The following CAMKMT variants were observed in gnomAD, a reference collection of about 807,000 sequenced individuals.
CAMKMT encodes the protein CaM KMT.
In CAMKMT, 53 loss-of-function variants were observed where a neutral mutation model predicts 48.0. That is an observed-to-expected ratio of 1.10 (90% CI 0.89 to 1.39). The LOEUF is 1.39. CAMKMT is among the 40% of genes most tolerant of loss of function. The pLI is 0.00. For synonymous variants in CAMKMT, 165 were observed against 152.3 expected, an observed-to-expected ratio of 1.08 and a Z score of -0.61; for missense variants, 428 against 402.7, an observed-to-expected ratio of 1.06 and a Z score of -0.54.
chr2:44,552,270 C>T (rs1443481264), intron 3 of CAMKMT, among the ~76,000 whole-genome samples: 1 of 151,944 alleles, frequency 6.6e-6, no homozygotes, highest in Admixed American at 6.6e-5. Context: ...AATGATATTT[C>T]GATTGTACTC....
chr2:44,630,532 A>G (rs1168891406), intron 3 of CAMKMT, among the ~76,000 whole-genome samples: 1 of 150,896 alleles, frequency 6.6e-6, no homozygotes, highest in African/African-American at 2.4e-5. Flanking sequence ...TCTACAATGA[A>G]CTCAAACAAA....
At chr2:44,560,610 A>C (rs1020776724) in intron 3 of CAMKMT, among the ~76,000 whole-genome samples, 1 of 152,206 alleles carries the variant, frequency 6.6e-6, no homozygotes, top group Non-Finnish European at 1.5e-5. Context: ...TGACCAGTCT[A>C]AAAAGAAAAA....
intron 3 of CAMKMT, among the ~76,000 whole-genome samples, chr2:44,662,934 G>GCTTTATCATTTGCTTTA (rs1282364921): frequency 6.6e-6 from 1 of 152,110 alleles, no homozygotes; most frequent in African/African-American, 2.4e-5. Flanking sequence ...ATTCCTATAT[G>GCTTTATCATTTGCTTTA]TCATTTGCTT....
intron 3 of CAMKMT, among the ~76,000 whole-genome samples, chr2:44,612,977 C>T (rs1225513967): frequency 1.3e-5 from 2 of 152,148 alleles, no homozygotes; most frequent in Admixed American, 6.5e-5. Context: ...ATACACATTT[C>T]TTCCAGATAC....
chr2:44,646,304 T>TA (rs1673726181), intron 3 of CAMKMT, among the ~76,000 whole-genome samples: 1 of 88,180 alleles, frequency 1.1e-5, no homozygotes, highest in South Asian at 3.6e-4. Context: ...CTAGAAATCT[T>TA]GTTTGTTTTT....
At chr2:44,530,833 A>G (rs566564805) in intron 3 of CAMKMT, among the ~76,000 whole-genome samples, 126 of 152,152 alleles carry the variant, frequency 8.3e-4, no homozygotes, top group African/African-American at 2.9e-3. Context: ...AGGTATTAAA[A>G]ATGTCCACTA....
Position 44,701,653 on chromosome 2 carries a change from C to T in CAMKMT, c.377-2630C>T, listed in dbSNP as rs536445569. Among the ~76,000 whole-genome samples the T allele has an allele frequency of 5.9e-5, 9 of 152,298 alleles. No homozygotes were observed. In the East Asian group the frequency reaches 1.7e-3, roughly 29 times the overall value. ...ATGGCAAAAACCACAATTACTTTTG[C>T]ATCAACACAATAATCTCATCATATC... On this transcript the variant is annotated intron_variant, in intron 3 of 10. Coordinates refer to ENST00000378494, the MANE Select transcript of CAMKMT (RefSeq NM_024766.5).
At chr2:44,393,158 C>G (rs537242418) in intron 3 of CAMKMT, among the ~76,000 whole-genome samples, 1 of 152,058 alleles carries the variant, frequency 6.6e-6, no homozygotes, top group African/African-American at 2.4e-5. Flanking sequence ...TCAGTCTTAC[C>G]TTCTGAATTG....
In CAMKMT at chr2:44,411,117, A is replaced by G. The variant is rs534458594; in HGVS notation, c.376+20812A>G. On this transcript the variant is annotated intron_variant, in intron 3 of 10. Transcript: ENST00000378494. ...TTTCTAAAAGTTGAAAATTTGATTT[A>G]GTTTTTTAAAATACTTCTCTTGTTT... Among the ~76,000 whole-genome samples, 9 of 152,296 alleles carry G rather than the reference A, an allele frequency of 5.9e-5. No homozygotes were observed. In the South Asian group the frequency reaches 1.0e-3, roughly 18 times the overall value.
chr2:44,371,309 G>T (rs928302665), intron 1 of CAMKMT, among the ~76,000 whole-genome samples: 4 of 151,946 alleles, frequency 2.6e-5, no homozygotes, highest in Non-Finnish European at 5.9e-5. Context: ...TGTAGATATG[G>T]GGTCTTGCCA....
At chr2:44,771,203 T>TG (rs936734930) in intron 10 of CAMKMT, among the ~76,000 whole-genome samples, 3 of 152,222 alleles carry the variant, frequency 2.0e-5, no homozygotes, top group Admixed American at 2.0e-4. Flanking sequence ...ATTGACTCCC[T>TG]GTATAATTTA....
At chr2:44,401,638 G>T (rs1162640676) in intron 3 of CAMKMT, among the ~76,000 whole-genome samples, 1 of 152,032 alleles carries the variant, frequency 6.6e-6, no homozygotes, top group Non-Finnish European at 1.5e-5. Flanking sequence ...TAGAATTTTG[G>T]CAAAAAAATG....
At chr2:44,585,067 A>T (rs1669781813) in intron 3 of CAMKMT, among the ~76,000 whole-genome samples, 1 of 152,020 alleles carries the variant, frequency 6.6e-6, no homozygotes, top group African/African-American at 2.4e-5. Flanking sequence ...AAAAAAAAAA[A>T]TGTAAAAAGG....
chr2:44,411,874 C>T (rs768572130), intron 3 of CAMKMT, among the ~76,000 whole-genome samples: 1 of 151,638 alleles, frequency 6.6e-6, no homozygotes, highest in Non-Finnish European at 1.5e-5. Flanking sequence ...AATCTTTAAC[C>T]TCTCTTTCAT....
intron 8 of CAMKMT, among the ~76,000 whole-genome samples, chr2:44,750,246 T>C (rs1371603319): frequency 6.6e-6 from 1 of 151,838 alleles, no homozygotes; most frequent in African/African-American, 2.4e-5. Flanking sequence ...CGCCTCCGCC[T>C]CCAAGGTTCA....
At chr2:44,523,042 G>C (rs982820869) in intron 3 of CAMKMT, among the ~76,000 whole-genome samples, 1 of 151,952 alleles carries the variant, frequency 6.6e-6, no homozygotes, top group Non-Finnish European at 1.5e-5. Flanking sequence ...AGCCTCTAGA[G>C]TACTGTTCCA....
At chr2:44,627,541 G>A (rs368616082) in intron 3 of CAMKMT, among the ~76,000 whole-genome samples, 12 of 151,896 alleles carry the variant, frequency 7.9e-5, no homozygotes, top group East Asian at 3.9e-4. Flanking sequence ...AAAAAGTTTC[G>A]TTCACAGATT....
chr2:44,715,327 G>A lies in CAMKMT; in HGVS notation c.597G>A (p.Val199=). 2.5e-6 allele frequency: 4 copies of A among 1,613,186 alleles called. No individual in the cohort carries two copies. Among genetic ancestry groups the A allele is most frequent in the Non-Finnish European group, 3.4e-6 (4 of 1,179,560 alleles). Residue 199 remains valine, a synonymous_variant, in exon 7 of 11, where the codon GTG becomes GTA. Transcript: ENST00000378494. ...DIITRNQKAG[V]FKTQKISSCV... ...TCACAAGGAATCAGAAGGCTGGTGT[G>A]TTTAAGACCCAGAAAATATCAAGCT...
At chr2:44,555,919 A>G (rs1310297705) in intron 3 of CAMKMT, among the ~76,000 whole-genome samples, 3 of 152,094 alleles carry the variant, frequency 2.0e-5, no homozygotes, top group Non-Finnish European at 2.9e-5. Context: ...TTGGCCAGAG[A>G]GGCTTCCAGC....
Sources: allele counts gnomAD v4.1 joint callset (sites outside exome capture counted in the v4.1 genomes callset), GRCh38; gene constraint gnomAD v4.1.1; transcripts MANE v1.5; gene names NCBI Gene and HGNC (gene_info 2026-07-23, HGNC 2026-07-21).